The following GSTA2 variants were observed in gnomAD, a reference collection of about 807,000 sequenced individuals.
GSTA2 encodes glutathione S-transferase alpha 2.
GSTA2 carries 27 observed loss-of-function variants against 22.4 expected under a neutral mutation model. That is an observed-to-expected ratio of 1.21 (90% CI 0.89 to 1.67). The LOEUF (loss-of-function observed/expected upper bound fraction) is 1.67, where lower values mean the gene tolerates loss of function less well. GSTA2 is among the 40% of genes most tolerant of loss of function. The pLI, the probability that GSTA2 is intolerant of heterozygous loss-of-function variation, is 0.00. For missense variants in GSTA2, 302 were observed against 260.2 expected (o/e 1.16, Z -1.11); for synonymous variants, 121 against 86.8 (o/e 1.39, Z -2.19).
chr6:52,761,308 C>G (rs545876283), intron 1 of GSTA2, among the ~76,000 whole-genome samples: 63 of 152,264 alleles, frequency 4.1e-4, no homozygotes, highest in African/African-American at 1.2e-3. Flanking sequence ...TTTTACCAAC[C>G]AACAATCTAT....
At chr6:52,757,660 T>A (rs1391342037) in intron 2 of GSTA2, among the ~76,000 whole-genome samples, 1 of 152,250 alleles carries the variant, frequency 6.6e-6, no homozygotes, top group Admixed American at 6.5e-5. Flanking sequence ...GTGTCTTAAA[T>A]GTATTTTAAT....
chr6:52,759,559 A>AT (rs1561897333), intron 1 of GSTA2, among the ~76,000 whole-genome samples: 2 of 30,888 alleles, frequency 6.5e-5, no homozygotes, highest in Non-Finnish European at 6.1e-5. Context: ...TAATGTATTT[A>AT]TTTGTTTTTT....
At chr6:52,761,512 TTA>T (rs1762949637) in intron 1 of GSTA2, among the ~76,000 whole-genome samples, 1 of 145,814 alleles carries the variant, frequency 6.9e-6, no homozygotes, top group South Asian at 2.1e-4. Context: ...GAATCCAGAC[TTA>T]TATCAAATCT....
At chr6:52,761,205 G>C (rs923642379) in intron 1 of GSTA2, among the ~76,000 whole-genome samples, 1 of 152,188 alleles carries the variant, frequency 6.6e-6, no homozygotes, top group Non-Finnish European at 1.5e-5. Context: ...CAGGGTGTTT[G>C]CTCTTGTCCC....
chr6:52,751,348 A>G (rs1762731808), intron 6 of GSTA2, among the ~76,000 whole-genome samples: 1 of 152,212 alleles, frequency 6.6e-6, no homozygotes, highest in South Asian at 2.1e-4. Flanking sequence ...TTTCCATAAT[A>G]AAAGGCAAAA....
intron 1 of GSTA2, among the ~76,000 whole-genome samples, chr6:52,758,843 C>A (rs554784808): frequency 2.0e-5 from 3 of 152,214 alleles, no homozygotes; most frequent in Non-Finnish European, 4.4e-5. Flanking sequence ...CAGTCACACA[C>A]TGATCATTCT....
rs138110917 is a variant in GSTA2 at position 52,757,752 on chromosome 6, T to C, written c.87+109A>G. 1,101 of 963,324 alleles carry C rather than the reference T, an allele frequency of 1.1e-3. 7 individuals carry two copies. In the African/African-American group the frequency reaches 0.016, roughly 14 times the overall value. 59.7% of individuals were successfully genotyped at this position (963,324 alleles called of 1,614,324 possible). On this transcript the variant is annotated intron_variant, in intron 2 of 6. Transcript: ENST00000493422. ...CTTTTTCTTAATTACAGTCCCTTTT[T>C]ATTTAAGGCACAATGCTTCAGTTAG...
intron 1 of GSTA2, among the ~76,000 whole-genome samples, chr6:52,758,746 T>G (rs1287788011): frequency 6.6e-6 from 1 of 152,248 alleles, no homozygotes; most frequent in Non-Finnish European, 1.5e-5. Flanking sequence ...TCTAACTCTA[T>G]GGGGTGCATT....
At position 52,759,559 on chromosome 6, in the gene GSTA2, A is replaced by ATTTGTTTTTT. The variant is rs1561897340; in HGVS notation, c.-30-1592_-30-1583dup. Among the ~76,000 whole-genome samples the ATTTGTTTTTT allele has an allele frequency of 5.2e-4, 16 of 30,888 alleles. 1 individual carries two copies. Among genetic ancestry groups the ATTTGTTTTTT allele is most frequent in the African/African-American group, 9.4e-4 (6 of 6,366 alleles). 20.3% of individuals were successfully genotyped at this position (30,888 alleles called of 152,430 possible). A position where few individuals can be genotyped will look rare whatever the true frequency, so the allele number is the denominator to read the frequency against. On this transcript the variant is annotated intron_variant, in intron 1 of 6. Transcript: ENST00000493422. ...CTTGCCTTTAACAACTAATGTATTT[A>ATTTGTTTTTT]TTTGTTTTTTTTTTTTTTTTTTTTT...
At chr6:52,758,141 A>T (rs1448881339) in intron 1 of GSTA2, among the ~76,000 whole-genome samples, 164 bp from the exon 2 acceptor site, 1 of 152,120 alleles carries the variant, frequency 6.6e-6, no homozygotes, top group Admixed American at 6.6e-5. Context: ...TCAAATTATT[A>T]CCCAGCAGTG....
At chr6:52,751,885 G>A (rs968250116) in intron 5 of GSTA2, among the ~76,000 whole-genome samples, 177 bp from the exon 6 acceptor site, 5 of 152,180 alleles carry the variant, frequency 3.3e-5, no homozygotes, top group Non-Finnish European at 7.3e-5. Flanking sequence ...AAGTGTAACT[G>A]TACTCACTCC....
chr6:52,757,228 C>T (rs1762860985), intron 2 of GSTA2, among the ~76,000 whole-genome samples: 1 of 103,948 alleles, frequency 9.6e-6, no homozygotes, highest in South Asian at 3.9e-4. Context: ...CCTCTAATTA[C>T]AATCATTTTT....
At chr6:52,751,133 G>A (rs571717217) in intron 6 of GSTA2, among the ~76,000 whole-genome samples, 76 of 152,252 alleles carry the variant, frequency 5.0e-4, no homozygotes, top group South Asian at 1.2e-3. Context: ...ATACATTGTC[G>A]GGGGCAGAGT....
At chr6:52,752,469 G>T (rs1762762131) in intron 5 of GSTA2, among the ~76,000 whole-genome samples, 2 of 152,116 alleles carry the variant, frequency 1.3e-5, no homozygotes, top group Non-Finnish European at 2.9e-5. Context: ...CCTGCATATG[G>T]TGCCAGAATG....
intron 1 of GSTA2, among the ~76,000 whole-genome samples, chr6:52,762,240 G>A (rs1298956701): frequency 2.0e-5 from 3 of 152,118 alleles, no homozygotes; most frequent in South Asian, 2.1e-4. Context: ...CCCCCAGCCC[G>A]ACACCCATAA....
intron 3 of GSTA2, 118 bp from the exon 4 acceptor site, chr6:52,755,193 G>A: frequency 7.4e-7 from 1 of 1,343,450 alleles, no homozygotes; most frequent in Non-Finnish European, 1.0e-6. Flanking sequence ...ATTACTGCCT[G>A]GTAAGAGTTC....
At chr6:52,755,589 C>A (rs565765297) in intron 3 of GSTA2, among the ~76,000 whole-genome samples, 134 of 152,212 alleles carry the variant, frequency 8.8e-4, no homozygotes, top group Non-Finnish European at 1.5e-3. Context: ...CCATTTATTT[C>A]ATATATGTTT....
At chr6:52,753,463 G>A (rs113864066) in intron 4 of GSTA2, among the ~76,000 whole-genome samples, 2,667 of 152,200 alleles carry the variant, frequency 0.018, 84 homozygotes, top group African/African-American at 0.06. Flanking sequence ...CATATTCCTT[G>A]TCCTCTCTCA....
chr6:52,760,126 A>G (rs143143738), intron 1 of GSTA2, among the ~76,000 whole-genome samples: 5 of 152,308 alleles, frequency 3.3e-5, no homozygotes, highest in East Asian at 3.9e-4. Flanking sequence ...ATTCGACAGA[A>G]TGAAAGGGAG....
Sources: allele counts gnomAD v4.1 joint callset (sites outside exome capture counted in the v4.1 genomes callset), GRCh38; gene constraint gnomAD v4.1.1; transcripts MANE v1.5; gene names NCBI Gene and HGNC (gene_info 2026-07-23, HGNC 2026-07-21).